Variants in ALK observed in about 807,000 individuals in gnomAD.
ALK encodes the protein ALK receptor tyrosine kinase, also known as ALK tyrosine kinase receptor.
Under a neutral mutation model 163.1 loss-of-function variants are expected in ALK, and 74 were observed. The observed-to-expected ratio is 0.45, with a 90% CI of 0.38 to 0.55. The LOEUF (loss-of-function observed/expected upper bound fraction) is 0.55. Ranked by LOEUF, ALK falls within the 20% of genes least tolerant of loss-of-function variation. ALK has a pLI of 0.00. For synonymous variants in ALK, 960 were observed against 843.2 expected (o/e 1.14, Z -2.40); for missense variants, 2,063 against 2,105.3 (o/e 0.98, Z 0.39).
At chr2:29,347,722 T>C (rs1198386825) in intron 5 of ALK, among the ~76,000 whole-genome samples, 1 of 152,192 alleles carries the variant, frequency 6.6e-6, no homozygotes, top group East Asian at 1.9e-4. Context: ...CCTGGGAATA[T>C]TGACTGCTCA....
intron 3 of ALK, among the ~76,000 whole-genome samples, chr2:29,645,301 A>C (rs6547964): frequency 2.0e-5 from 3 of 152,012 alleles, no homozygotes; most frequent in African/African-American, 7.3e-5. Context: ...AACCAAAAAT[A>C]CAAATATAAA....
chr2:29,530,059 G>C (rs7601651), intron 4 of ALK, among the ~76,000 whole-genome samples: 64 of 113,398 alleles, frequency 5.6e-4, no homozygotes, highest in Admixed American at 3.3e-3. Flanking sequence ...CAAAATAATC[G>C]CTCTTTTTTT....
chr2:29,239,261 C>T lies in ALK; in HGVS notation c.2355+419G>A, dbSNP rs184477183. 1.3e-3 allele frequency among the ~76,000 whole-genome samples: 193 copies of T among 152,324 alleles called. 1 individual carries two copies. Among genetic ancestry groups the T allele is most frequent in the African/African-American group, 4.4e-3 (184 of 41,558 alleles). On this transcript the variant is annotated intron_variant, in intron 13 of 28. Coordinates refer to ENST00000389048, the MANE Select transcript of ALK (RefSeq NM_004304.5). ...ATTTTGTGGAAGTAAACTGCTTTCT[C>T]GGTAGCCCCTCTTCCCATATCTCTC...
At chr2:29,324,482 T>C (rs1667187980) in intron 6 of ALK, among the ~76,000 whole-genome samples, 1 of 152,216 alleles carries the variant, frequency 6.6e-6, no homozygotes, top group South Asian at 2.1e-4. Context: ...CATTTCTAGA[T>C]TTTCTGTATT....
At chr2:29,458,072 A>G (rs1573371761) in intron 4 of ALK, among the ~76,000 whole-genome samples, 1 of 152,290 alleles carries the variant, frequency 6.6e-6, no homozygotes, top group Admixed American at 6.5e-5. Flanking sequence ...GAGACATGTA[A>G]TCTACTTTTT....
chr2:29,734,752 T>C (rs1426419971), intron 1 of ALK, among the ~76,000 whole-genome samples: 1 of 151,990 alleles, frequency 6.6e-6, no homozygotes, highest in African/African-American at 2.4e-5. Context: ...AAAATTAAAA[T>C]ACTGGACTAC....
intron 1 of ALK, among the ~76,000 whole-genome samples, chr2:29,818,780 A>G (rs956482455): frequency 1.3e-5 from 2 of 152,234 alleles, no homozygotes; most frequent in African/African-American, 4.8e-5. Flanking sequence ...GGCTGCAGAG[A>G]TATCATTAGT....
chr2:29,329,361 G>C (rs1168821057), intron 5 of ALK, among the ~76,000 whole-genome samples: 1 of 152,212 alleles, frequency 6.6e-6, no homozygotes, highest in African/African-American at 2.4e-5. Context: ...GGAGGGCTTT[G>C]CCTGGGGACC....
chr2:29,208,080 CT>C, intron 25 of ALK: 2 of 454,158 alleles, frequency 4.4e-6, no homozygotes, highest in Admixed American at 4.7e-5. Context: ...AGGTCAGTCT[CT>C]CTCTCCCAAG....
chr2:29,864,739 A>G (rs1156524096), intron 1 of ALK, among the ~76,000 whole-genome samples: 1 of 152,242 alleles, frequency 6.6e-6, no homozygotes, highest in Non-Finnish European at 1.5e-5. Context: ...TGGGAGAAAA[A>G]GATCACTCCA....
chr2:29,618,454 C>T (rs894432717), intron 3 of ALK, among the ~76,000 whole-genome samples: 4 of 150,552 alleles, frequency 2.7e-5, no homozygotes, highest in Non-Finnish European at 5.9e-5. Context: ...GGCAGGAGTG[C>T]TGTCATCTTC....
chr2:29,761,746 T>C (rs1558476776), intron 1 of ALK, among the ~76,000 whole-genome samples: 1 of 152,208 alleles, frequency 6.6e-6, no homozygotes, highest in Non-Finnish European at 1.5e-5. Context: ...CAAAATGGCT[T>C]GTCCTCTGTG....
chr2:29,252,061 GCTC>G (rs1268899940), intron 11 of ALK, among the ~76,000 whole-genome samples: 1 of 152,170 alleles, frequency 6.6e-6, no homozygotes, highest in Non-Finnish European at 1.5e-5. Context: ...TTTGGTGCAT[GCTC>G]CTCCTTTTCC....
intron 2 of ALK, among the ~76,000 whole-genome samples, chr2:29,704,129 C>T (rs971105233): frequency 6.6e-6 from 1 of 151,956 alleles, no homozygotes; most frequent in Non-Finnish European, 1.5e-5. Context: ...AAACATCATG[C>T]ATACACGGCA....
chr2:29,679,253 C>A, intron 3 of ALK, among the ~76,000 whole-genome samples: 1 of 151,694 alleles, frequency 6.6e-6, no homozygotes, highest in East Asian at 1.9e-4. Context: ...GTATTTGAGT[C>A]TAAAGTGTCC....
chr2:29,200,509 A>C (rs1221359337), intron 26 of ALK, among the ~76,000 whole-genome samples: 1 of 151,990 alleles, frequency 6.6e-6, no homozygotes, highest in East Asian at 1.9e-4. Context: ...TAGTATATGT[A>C]TGCTCCAATA....
At chr2:29,708,887 C>A (rs72786220) in intron 2 of ALK, among the ~76,000 whole-genome samples, 2,648 of 152,236 alleles carry the variant, frequency 0.017, 33 homozygotes, top group Non-Finnish European at 0.027. Flanking sequence ...TTCTCATAGA[C>A]CAAATTATTC....
At chr2:29,369,765 T>A (rs1001432254) in intron 5 of ALK, among the ~76,000 whole-genome samples, 1 of 152,228 alleles carries the variant, frequency 6.6e-6, no homozygotes, top group African/African-American at 2.4e-5. Context: ...AGGGGAAGGC[T>A]GTCCATGAGC....
intron 1 of ALK, among the ~76,000 whole-genome samples, chr2:29,866,060 C>T (rs11679939): frequency 0.99 from 150,674 of 152,244 alleles, 74,576 homozygotes; most frequent in Middle Eastern, 1. Flanking sequence ...AACAGTTGTC[C>T]CCACTGTTCC....
Sources: gnomAD v4.1 joint callset for allele counts (sites outside exome capture counted in the v4.1 genomes callset) on GRCh38, gnomAD v4.1.1 for gene constraint, MANE v1.5 for transcripts, NCBI Gene and HGNC (gene_info 2026-07-23, HGNC 2026-07-21) for gene names.